The following TMEM260 variants were observed in gnomAD, a reference collection of about 807,000 sequenced individuals.
TMEM260 encodes the protein protein O-mannosyl-transferase TMEM260.
Under a neutral mutation model 88.9 loss-of-function variants are expected in TMEM260, and 82 were observed. The ratio of observed to expected loss-of-function variants is 0.92; its 90% CI spans 0.77 to 1.11. The LOEUF (loss-of-function observed/expected upper bound fraction) is 1.11. Among genes scored for constraint, TMEM260 ranks in the 50% least tolerant of loss-of-function variants. The probability of loss-of-function intolerance (pLI) is 0.00; values close to 1 mark genes in which losing one functional copy is unlikely to be tolerated. For missense variants in TMEM260, 902 were observed against 853.4 expected (o/e 1.06, Z -0.71); for synonymous variants, 314 against 309.3 (o/e 1.02, Z -0.16).
chr14:56,598,599 T>TA (rs1886385487), intron 3 of TMEM260, among the ~76,000 whole-genome samples: 1 of 152,206 alleles, frequency 6.6e-6, no homozygotes, highest in Non-Finnish European at 1.5e-5. Flanking sequence ...GCATAGGAAA[T>TA]ATGACTTGAG....
intron 11 of TMEM260, 123 bp downstream of exon 11, chr14:56,621,825 A>G: frequency 1.4e-6 from 1 of 711,906 alleles, no homozygotes; most frequent in South Asian, 2.9e-5. Context: ...GGTAGAATAT[A>G]TATGACATTC....
rs764853765 is a variant in TMEM260 at position 56,585,859 on chromosome 14, CTG to C, written c.294_295del (p.Cys98TrpfsTer49). ...GSIAYRVNLL[C>X]GLFGAVAASL... The stretch of plus-strand genomic sequence containing the variant: ...CAATTGCCTACCGCGTCAATCTTCT[CTG>C]TGGCTTATTTGGAGCAGTAGCTGCA... On this transcript the variant is annotated frameshift_variant, in exon 3 of 16. Coordinates refer to ENST00000261556, the MANE Select transcript of TMEM260 (RefSeq NM_017799.4). LOFTEE classifies it high-confidence loss of function. 3.0e-5 allele frequency: 48 copies of C among 1,613,444 alleles called. No individual in the cohort carries two copies. Among genetic ancestry groups the C allele is most frequent in the African/African-American group, 4.0e-5 (3 of 74,768 alleles).
At chr14:56,586,070 C>T (rs1263207788) in intron 3 of TMEM260, among the ~76,000 whole-genome samples, 158 bp downstream of exon 3, 1 of 151,884 alleles carries the variant, frequency 6.6e-6, no homozygotes, top group African/African-American at 2.4e-5. Flanking sequence ...TGCATTTGAC[C>T]CCTCAAATGA....
chr14:56,631,981 C>T (rs1311983241), intron 12 of TMEM260, among the ~76,000 whole-genome samples: 1 of 152,142 alleles, frequency 6.6e-6, no homozygotes, highest in Non-Finnish European at 1.5e-5. Context: ...CCCTCTCCTG[C>T]CCTGCTCATG....
intron 3 of TMEM260, among the ~76,000 whole-genome samples, chr14:56,587,668 GTTGC>G (rs1490359443): frequency 6.6e-6 from 1 of 151,956 alleles, no homozygotes; most frequent in Non-Finnish European, 1.5e-5. Context: ...CTTTGGAAAA[GTTGC>G]TTTCTTTCAG....
At chr14:56,658,645 CAA>C in the TMEM260 span, among the ~76,000 whole-genome samples, 13 of 152,154 alleles carry the variant, frequency 8.5e-5, no homozygotes, top group African/African-American at 2.9e-4. Context: ...CAAGGAAAGA[CAA>C]GAGAGTGTCC....
rs369096977 is a variant in TMEM260 at position 56,603,677 on chromosome 14, G to A, written c.345-138G>A. The A allele has an allele frequency of 8.6e-6, 7 of 811,312 alleles. No homozygotes were observed. The Admixed American group carries it at 1.6e-4, about 19-fold the overall frequency. The allele number at this position is 811,312 out of a possible 1,614,324, so 50.3% of individuals were successfully genotyped here. On this transcript the variant is annotated intron_variant, in intron 3 of 15. Transcript: ENST00000261556. ...TCTGTTGAAGGAAATTATTATATGA[G>A]TTAATGTATTAACCATATAATGTGT...
the TMEM260 span, among the ~76,000 whole-genome samples, chr14:56,662,455 AC>A: frequency 2.6e-5 from 4 of 152,320 alleles, no homozygotes; most frequent in South Asian, 8.3e-4. Flanking sequence ...ATGGGAAGCT[AC>A]TGCTTTTGTC....
chr14:56,611,165 A>G (rs950317244), intron 6 of TMEM260, among the ~76,000 whole-genome samples: 1 of 151,828 alleles, frequency 6.6e-6, no homozygotes, highest in East Asian at 1.9e-4. Context: ...ACAGGGTTTC[A>G]CCATGTTGGC....
the TMEM260 span, among the ~76,000 whole-genome samples, chr14:56,657,222 G>A: frequency 6.6e-6 from 1 of 152,172 alleles, no homozygotes; most frequent in Middle Eastern, 3.2e-3. Context: ...CATCCTGGGG[G>A]ATAGGGTCAT....
In TMEM260 at chr14:56,579,859, T is replaced by A; in HGVS notation, c.-56T>A. The A allele has an allele frequency of 1.6e-6, 2 of 1,227,352 alleles. No individual in the cohort carries two copies. The highest frequency in any genetic ancestry group is 8.3e-5 in the South Asian group (2 of 24,214). The allele number at this position is 1,227,352 out of a possible 1,614,324, so 76.0% of individuals were successfully genotyped here. On this transcript the variant is annotated 5_prime_UTR_variant, in exon 1 of 16. Transcript: ENST00000261556. Reference sequence around the variant, plus strand: ...CTCGTCTCTCGGCTGGGGAGCTCCGTGTCGCACCGGGTTCTTGGGCTGGCC... The same window carrying A: ...CTCGTCTCTCGGCTGGGGAGCTCCGAGTCGCACCGGGTTCTTGGGCTGGCC...
chr14:56,604,076 CT>C, intron 4 of TMEM260, 84 bp downstream of exon 4: 1 of 1,324,430 alleles, frequency 7.6e-7, no homozygotes, highest in African/African-American at 1.5e-5. Context: ...GCTTAAATAC[CT>C]TTTATCTATT....
intron 12 of TMEM260, among the ~76,000 whole-genome samples, chr14:56,631,973 C>T (rs887887446): frequency 7.2e-5 from 11 of 152,276 alleles, no homozygotes; most frequent in African/African-American, 2.2e-4. Flanking sequence ...GCAGAGAGCC[C>T]TCTCCTGCCC....
chr14:56,633,258 ATTT>A (rs60675114), intron 13 of TMEM260, 87 bp downstream of exon 13: 11 of 930,768 alleles, frequency 1.2e-5, no homozygotes, highest in African/African-American at 1.0e-4. Flanking sequence ...ATGCCTTCTA[ATTT>A]TTTTTTTTAT....
In TMEM260 at chr14:56,621,806, T is replaced by C. The variant is rs1887941295; in HGVS notation, c.1398+104T>C. 4 of 924,210 alleles carry C rather than the reference T, an allele frequency of 4.3e-6. No homozygotes were observed. The Admixed American group carries it at 8.1e-5, about 19-fold the overall frequency. 57.3% of individuals were successfully genotyped at this position (924,210 alleles called of 1,614,324 possible). A position where few individuals can be genotyped will look rare whatever the true frequency, so the allele number is the denominator to read the frequency against. The stretch of plus-strand genomic sequence containing the variant: ...TGGTGGACGGGTACAGTTTTCATGA[T>C]CACTGTTAGGTAGAATATATATGAC... On this transcript the variant is annotated intron_variant, in intron 11 of 15. Transcript: ENST00000261556.
chr14:56,586,023 A>G, intron 3 of TMEM260, 111 bp downstream of exon 3: 1 of 1,085,202 alleles, frequency 9.2e-7, no homozygotes, highest in Admixed American at 2.5e-5. Context: ...TCCCTAACAC[A>G]TGTGATTTCA....
chr14:56,607,974 A>G (rs930050794), intron 5 of TMEM260, among the ~76,000 whole-genome samples: 9 of 152,234 alleles, frequency 5.9e-5, no homozygotes, highest in Non-Finnish European at 1.2e-4. Context: ...TATAATATGC[A>G]GAAACTGTGC....
chr14:56,630,643 A>C (rs1453706428), intron 12 of TMEM260, among the ~76,000 whole-genome samples: 1 of 152,060 alleles, frequency 6.6e-6, no homozygotes, highest in Admixed American at 6.6e-5. Context: ...AGTTGTTTTA[A>C]AGTCTTTGAC....
chr14:56,609,196 A>G lies in TMEM260; in HGVS notation c.727A>G (p.Asn243Asp). The G allele has an allele frequency of 6.2e-7, 1 of 1,614,046 alleles. No individual in the cohort carries two copies. Among genetic ancestry groups the G allele is most frequent in the Non-Finnish European group, 8.5e-7 (1 of 1,180,010 alleles). ...YVHLPISSYL[N>D]HARWTWGDQT... is the part of the protein sequence containing the mutation. ...CCACCTTCCCATCTCATCTTACCTTAATCACGCCCGGTGGACCTGGGGAGA... is the reference window on the plus strand; with the variant it reads ...CCACCTTCCCATCTCATCTTACCTTGATCACGCCCGGTGGACCTGGGGAGA... The change falls in exon 6 of 16, where the codon AAT becomes GAT. Residue 243 changes from asparagine (N) to aspartate (D), a missense_variant. Transcript: ENST00000261556.
Sources: gnomAD v4.1 joint callset for allele counts (sites outside exome capture counted in the v4.1 genomes callset) on GRCh38, gnomAD v4.1.1 for gene constraint, MANE v1.5 for transcripts, NCBI Gene and HGNC (gene_info 2026-07-23, HGNC 2026-07-21) for gene names.